Variants in GRIK3 observed in about 807,000 individuals in gnomAD.
GRIK3 encodes the protein glutamate receptor ionotropic, kainate 3.
In GRIK3, 29 loss-of-function variants were observed where a neutral mutation model predicts 102.5. The observed-to-expected ratio is 0.28, with a 90% CI of 0.21 to 0.39. The LOEUF is 0.39. Among genes scored for constraint, GRIK3 ranks in the 10% least tolerant of loss-of-function variants. The pLI is 1.00. For missense variants in GRIK3, 908 were observed against 1,252.4 expected, an observed-to-expected ratio of 0.73 and a Z score of 4.15; for synonymous variants, 511 against 504.9, an observed-to-expected ratio of 1.01 and a Z score of -0.16.
intron 1 of GRIK3, among the ~76,000 whole-genome samples, chr1:36,895,229 G>A (rs990364657): frequency 6.6e-6 from 1 of 151,936 alleles, no homozygotes; most frequent in Non-Finnish European, 1.5e-5. Flanking sequence ...CAGCTATCAA[G>A]AAAAAATTAC....
At chr1:37,007,312 T>TAACAGAGCTGGGAGTCA (rs1642543086) in intron 1 of GRIK3, among the ~76,000 whole-genome samples, 3 of 152,132 alleles carry the variant, frequency 2.0e-5, no homozygotes. Flanking sequence ...AGCCAGTAAG[T>TAACAGAGCTGGGAGTCA]AACAGAGCTG....
chr1:36,953,520 A>T (rs1041994835), intron 1 of GRIK3, among the ~76,000 whole-genome samples: 4 of 152,096 alleles, frequency 2.6e-5, no homozygotes, highest in Non-Finnish European at 5.9e-5. Flanking sequence ...GGGCTAGGGC[A>T]TACGTAAGGA....
chr1:36,857,000 C>T (rs566124879), intron 7 of GRIK3, among the ~76,000 whole-genome samples: 12 of 152,322 alleles, frequency 7.9e-5, no homozygotes, highest in Admixed American at 3.9e-4. Flanking sequence ...GGCGTTGTCC[C>T]TAGTGCGACA....
intron 1 of GRIK3, among the ~76,000 whole-genome samples, chr1:36,946,692 C>T (rs1469668486): frequency 1.3e-5 from 2 of 152,216 alleles, no homozygotes; most frequent in African/African-American, 2.4e-5. Flanking sequence ...CCCGTGCTAG[C>T]CCATGCACCT....
chr1:36,810,466 G>A (rs546542091), intron 13 of GRIK3, among the ~76,000 whole-genome samples: 1 of 152,296 alleles, frequency 6.6e-6, no homozygotes, highest in African/African-American at 2.4e-5. Context: ...GTAAATTTCA[G>A]GCTCACGACT....
intron 3 of GRIK3, among the ~76,000 whole-genome samples, chr1:36,875,817 GT>G (rs1640907443): frequency 6.6e-6 from 1 of 152,184 alleles, no homozygotes; most frequent in Non-Finnish European, 1.5e-5. Flanking sequence ...TTTTGAGGTG[GT>G]TTGTTACACA....
At chr1:36,830,752 A>G (rs904517752) in intron 10 of GRIK3, among the ~76,000 whole-genome samples, 18 of 142,048 alleles carry the variant, frequency 1.3e-4, no homozygotes, top group African/African-American at 4.3e-4. Context: ...CAGGGATTGC[A>G]GTGAGCCGAG....
intron 8 of GRIK3, among the ~76,000 whole-genome samples, chr1:36,851,301 T>C (rs531660237): frequency 3.3e-5 from 5 of 152,380 alleles, no homozygotes; most frequent in African/African-American, 4.8e-5. Context: ...CGGTTGGAGC[T>C]GGCTGGATCA....
rs1186740373 is a variant in GRIK3 at position 36,880,569 on chromosome 1, G to C, written c.550+65C>G. 15 of 1,501,530 alleles carry C rather than the reference G, an allele frequency of 1.0e-5. No homozygotes were observed. The highest frequency in any genetic ancestry group is 2.7e-5 in the African/African-American group (2 of 72,918). 93.0% of individuals were successfully genotyped at this position (1,501,530 alleles called of 1,614,324 possible). ...AGCTGTGCTGAACAAACAGACAAGA[G>C]CTTGATCCTGGGCCTCTGCCCCCCT... On this transcript the variant is annotated intron_variant, in intron 3 of 15. Coordinates refer to ENST00000373091, the MANE Select transcript of GRIK3 (RefSeq NM_000831.4). This position sits in a 1 kb window ranked among gnomAD's most constrained non-coding sequence, Gnocchi z 5.4.
rs1039767545 is a variant in GRIK3, at chr1:36,801,822, C to G, written c.*29G>C. On this transcript the variant is annotated 3_prime_UTR_variant, in exon 16 of 16. Transcript: ENST00000373091. ...CCTTTGCTTTCCTCTGCCCAGCCCC[C>G]AGGCCTGAGGTCCCCACCCCAGCTG... The G allele has an allele frequency of 1.3e-6, 2 of 1,557,920 alleles. No individual in the cohort carries two copies. The highest frequency in any genetic ancestry group is 3.7e-5 in the Admixed American group (2 of 54,772).
intron 8 of GRIK3, among the ~76,000 whole-genome samples, chr1:36,853,130 A>G (rs553362052): frequency 6.6e-6 from 1 of 152,348 alleles, no homozygotes; most frequent in East Asian, 1.9e-4. Context: ...TCAGTCTCCC[A>G]GACAAGCAAC....
intron 9 of GRIK3, among the ~76,000 whole-genome samples, chr1:36,842,201 T>C (rs1306280563): frequency 6.6e-6 from 1 of 152,198 alleles, no homozygotes; most frequent in African/African-American, 2.4e-5. Flanking sequence ...ACAGAGCTAG[T>C]GAGCGGTGGA....
At chr1:36,867,329 A>G (rs922072835) in intron 5 of GRIK3, among the ~76,000 whole-genome samples, 1 of 152,090 alleles carries the variant, frequency 6.6e-6, no homozygotes, top group East Asian at 1.9e-4. Flanking sequence ...TCAATGGGGC[A>G]CCATAGTTAT....
intron 5 of GRIK3, among the ~76,000 whole-genome samples, chr1:36,868,176 C>T (rs1397234395): frequency 6.6e-6 from 1 of 152,110 alleles, no homozygotes; most frequent in Non-Finnish European, 1.5e-5. Flanking sequence ...TGGAATGTGC[C>T]CCACCCCACC....
At chr1:36,985,574 G>T (rs1011568439) in intron 1 of GRIK3, among the ~76,000 whole-genome samples, 1 of 152,158 alleles carries the variant, frequency 6.6e-6, no homozygotes, top group Non-Finnish European at 1.5e-5. Context: ...TGTGGGCACT[G>T]GTCCATCCCC....
At chr1:36,925,092 A>G (rs1641513770) in intron 1 of GRIK3, among the ~76,000 whole-genome samples, 1 of 152,238 alleles carries the variant, frequency 6.6e-6, no homozygotes, top group African/African-American at 2.4e-5. Context: ...ATGAAGCTCC[A>G]GCAGGAAGAT....
chr1:36,847,016 G>C (rs1034581698), intron 9 of GRIK3, among the ~76,000 whole-genome samples: 1 of 152,232 alleles, frequency 6.6e-6, no homozygotes, highest in East Asian at 1.9e-4. Flanking sequence ...TGCCCCATAG[G>C]GGGAAGCACA....
At chr1:36,948,743 A>T (rs897816467) in intron 1 of GRIK3, among the ~76,000 whole-genome samples, 2 of 152,172 alleles carry the variant, frequency 1.3e-5, no homozygotes. Flanking sequence ...GCCTTCCAAC[A>T]GCTTGTCAAT....
chr1:36,993,928 A>G (rs937980080), intron 1 of GRIK3, among the ~76,000 whole-genome samples: 1 of 152,188 alleles, frequency 6.6e-6, no homozygotes, highest in Non-Finnish European at 1.5e-5. Flanking sequence ...CTGCAGCTCA[A>G]TCTAAGCCTA....
Sources: gnomAD v4.1 joint callset for allele counts (sites outside exome capture counted in the v4.1 genomes callset) on GRCh38, gnomAD v4.1.1 for gene constraint, Gnocchi (gnomAD v3.1) non-coding constraint, MANE v1.5 for transcripts, NCBI Gene and HGNC (gene_info 2026-07-23, HGNC 2026-07-21) for gene names.